Variants in TDRD7 observed in about 807,000 individuals in gnomAD.
TDRD7 encodes tudor domain-containing protein 7.
A neutral mutation model predicts 109.8 loss-of-function variants in TDRD7; 47 were observed. The ratio of observed to expected loss-of-function variants is 0.43; its 90% confidence interval spans 0.34 to 0.55. The LOEUF (loss-of-function observed/expected upper bound fraction) is 0.55. Ranked by LOEUF, TDRD7 falls within the 20% of genes least tolerant of loss-of-function variation. The pLI is 0.03. For missense variants in TDRD7, 1,164 were observed against 1,319.2 expected, an observed-to-expected ratio of 0.88 and a Z score of 1.82; for synonymous variants, 424 against 457.3, an observed-to-expected ratio of 0.93 and a Z score of 0.93.
At chr9:97,422,223 T>C (rs1052029397) in intron 1 of TDRD7, among the ~76,000 whole-genome samples, 1 of 152,070 alleles carries the variant, frequency 6.6e-6, no homozygotes, top group Non-Finnish European at 1.5e-5. Context: ...CAAAACCCTG[T>C]CTCTACTAAA....
At chr9:97,439,670 G>A (rs1237574406) in intron 5 of TDRD7, among the ~76,000 whole-genome samples, 2 of 152,172 alleles carry the variant, frequency 1.3e-5, no homozygotes, top group Non-Finnish European at 2.9e-5. Flanking sequence ...AACATCTGCT[G>A]TGGATTAAAA....
chr9:97,483,125 T>C lies in TDRD7; in HGVS notation c.2689T>C (p.Ser897Pro). ...CATGGTGGACCATACGAGCGCTTTC[T>C]CCACAGAGGAACTGCCACCTCCTGT... ...KSMVDHTSAF[S>P]TEELPPPVHL... Residue 897 changes from serine (S) to proline (P), a missense_variant, in exon 15 of 17, where the codon TCC (serine) becomes CCC (proline). By Grantham distance (74) the Ser-to-Pro change is moderately conservative. Coordinates refer to ENST00000355295, the MANE Select transcript of TDRD7 (RefSeq NM_014290.3). The C allele has an allele frequency of 1.2e-6, 2 of 1,614,142 alleles. No homozygotes were observed. The highest frequency in any genetic ancestry group is 1.7e-6 in the Non-Finnish European group (2 of 1,180,028).
At chr9:97,422,843 A>T (rs1827921886) in intron 1 of TDRD7, among the ~76,000 whole-genome samples, 1 of 152,174 alleles carries the variant, frequency 6.6e-6, no homozygotes, top group Admixed American at 6.5e-5. Flanking sequence ...TGATTGACTT[A>T]ATGAATATTG....
chr9:97,486,449 T>C (rs1347549968), intron 15 of TDRD7, among the ~76,000 whole-genome samples: 1 of 152,200 alleles, frequency 6.6e-6, no homozygotes, highest in Non-Finnish European at 1.5e-5. Context: ...TCTGAAGCCA[T>C]ACTCCACCTC....
chr9:97,487,894 G>T (rs1041802325), intron 16 of TDRD7, among the ~76,000 whole-genome samples: 1 of 152,126 alleles, frequency 6.6e-6, no homozygotes, highest in Middle Eastern at 3.4e-3. Context: ...AGAGTATTAT[G>T]CAATCTTAAA....
At position 97,441,711 on chromosome 9, in the gene TDRD7, A is replaced by T; in HGVS notation, c.691A>T (p.Thr231Ser). Residue 231 changes from threonine (T) to serine (S), a missense_variant, in exon 6 of 17, where the codon ACT becomes TCT. Physicochemically the swap from Thr to Ser is moderately conservative, Grantham distance 58 (BLOSUM62 1). Coordinates refer to ENST00000355295, the MANE Select transcript of TDRD7 (RefSeq NM_014290.3). ...CAATGTCAAGCCTCCTGCCTCTTAC[A>T]CTTATAAAATGGATGAGGTTCAAAA... ...KPNVKPPASY[T>S]YKMDEVQNRI... 6.2e-7 allele frequency: 1 copy of T among 1,613,528 alleles called. No homozygotes were observed. Among genetic ancestry groups the T allele is most frequent in the East Asian group, 2.2e-5 (1 of 44,816 alleles).
intron 2 of TDRD7, among the ~76,000 whole-genome samples, chr9:97,429,242 C>G (rs1332893757): frequency 1.3e-5 from 2 of 152,194 alleles, no homozygotes; most frequent in Non-Finnish European, 2.9e-5. Flanking sequence ...TCTGGAAGAA[C>G]ACAGTTTATA....
Position 97,436,744 on chromosome 9 carries a change from G to T in TDRD7, c.564-2501G>T, listed in dbSNP as rs1327752808. ...CATCCAGAATTTATTTTATTTTATAGTGTGAGAGTTGGAATCCTTTTTTAT... is the reference window on the plus strand; with the variant it reads ...CATCCAGAATTTATTTTATTTTATATTGTGAGAGTTGGAATCCTTTTTTAT... On this transcript the variant is annotated intron_variant, in intron 4 of 16. Transcript: ENST00000355295. Among the ~76,000 whole-genome samples the T allele has an allele frequency of 2.0e-5, 3 of 151,998 alleles. No homozygotes were observed. In the East Asian group the frequency reaches 5.8e-4, roughly 29 times the overall value.
intron 6 of TDRD7, among the ~76,000 whole-genome samples, chr9:97,456,252 A>G (rs1250358536): frequency 1.3e-5 from 2 of 152,234 alleles, no homozygotes; most frequent in Admixed American, 6.5e-5. Context: ...ATACTGCCCA[A>G]AGTGATTTCT....
intron 1 of TDRD7, among the ~76,000 whole-genome samples, chr9:97,427,237 T>C (rs1434343613): frequency 6.6e-6 from 1 of 152,198 alleles, no homozygotes; most frequent in East Asian, 1.9e-4. Flanking sequence ...ATGTATCTCC[T>C]GAATTTGTCT....
chr9:97,453,734 A>G (rs755203147), intron 6 of TDRD7, among the ~76,000 whole-genome samples: 4 of 152,242 alleles, frequency 2.6e-5, no homozygotes, highest in Non-Finnish European at 4.4e-5. Flanking sequence ...AAAATAAAAA[A>G]GCAGGTGTTG....
chr9:97,427,570 A>AT (rs1318552819), intron 1 of TDRD7, among the ~76,000 whole-genome samples: 2 of 152,210 alleles, frequency 1.3e-5, no homozygotes, highest in Non-Finnish European at 2.9e-5. Flanking sequence ...TTCTATAAGC[A>AT]TTCCAACTTC....
intron 1 of TDRD7, among the ~76,000 whole-genome samples, chr9:97,428,215 G>A (rs1033543720): frequency 3.3e-5 from 5 of 152,038 alleles, no homozygotes; most frequent in Non-Finnish European, 5.9e-5. Context: ...AGGCTTCCCC[G>A]CCTGAATCTG....
intron 11 of TDRD7, among the ~76,000 whole-genome samples, chr9:97,474,914 G>T (rs1035003954): frequency 6.6e-6 from 1 of 152,102 alleles, no homozygotes; most frequent in Non-Finnish European, 1.5e-5. Context: ...TATTTAACTG[G>T]CACTGACATA....
chr9:97,430,880 G>C (rs772813890), intron 2 of TDRD7, 53 bp from the exon 3 acceptor site: 261 of 1,611,758 alleles, frequency 1.6e-4, no homozygotes, highest in Non-Finnish European at 2.0e-4. Context: ...TGGCCTCTAG[G>C]CAACACGGAA....
Position 97,460,245 on chromosome 9 carries a change from G to A in TDRD7, c.923G>A (p.Arg308Lys), listed in dbSNP as rs752907850. ...CCAGCTAAGAGAAAGCAGCTTTTGA[G>A]AAGTGAACTGGATACTGAGAAAGTA... ...LYPAKRKQLL[R>K]SELDTEKVPL... is the part of the protein sequence containing the mutation. Residue 308 changes from arginine (R) to lysine (K), a missense_variant, in exon 7 of 17, where the codon AGA becomes AAA. This residue lies in a region of TDRD7 where 407 missense variants were observed against 394.0 expected (regional missense o/e 1.03). Transcript: ENST00000355295. 6.2e-7 allele frequency: 1 copy of A among 1,614,224 alleles called. No individual in the cohort carries two copies. Among genetic ancestry groups the A allele is most frequent in the Non-Finnish European group, 8.5e-7 (1 of 1,180,038 alleles).
chr9:97,439,163 A>T, intron 4 of TDRD7, 82 bp from the exon 5 acceptor site: 1 of 1,058,008 alleles, frequency 9.5e-7, no homozygotes, highest in Non-Finnish European at 1.3e-6. Context: ...CTGAGACTTT[A>T]AATGAAAAGT....
intron 6 of TDRD7, among the ~76,000 whole-genome samples, chr9:97,442,186 T>G (rs919180709): frequency 6.6e-6 from 1 of 152,134 alleles, no homozygotes; most frequent in African/African-American, 2.4e-5. Flanking sequence ...TAAACACTGA[T>G]AGCTTTGCCA....
rs908177396 is a variant in TDRD7 at position 97,492,765 on chromosome 9, A to G, written c.3077-2898A>G. On this transcript the variant is annotated intron_variant, in intron 16 of 16. Coordinates refer to ENST00000355295, the MANE Select transcript of TDRD7 (RefSeq NM_014290.3). ...TCCTTTTGACTTGCTCCTAAGTCACAAAATCTTCCTGGGTATCACATTATC... is the reference window on the plus strand; with the variant it reads ...TCCTTTTGACTTGCTCCTAAGTCACGAAATCTTCCTGGGTATCACATTATC... Among the ~76,000 whole-genome samples, 9 of 152,338 alleles carry G rather than the reference A, an allele frequency of 5.9e-5. No individual in the cohort carries two copies. In the East Asian group the frequency reaches 1.2e-3, roughly 20 times the overall value.
Sources: allele counts gnomAD v4.1 joint callset (sites outside exome capture counted in the v4.1 genomes callset), GRCh38; gene constraint gnomAD v4.1.1; regional missense constraint gnomAD v4.1.1; transcripts MANE v1.5; gene names NCBI Gene and HGNC (gene_info 2026-07-23, HGNC 2026-07-21).